RAP1GAP: variants seen among roughly 807,000 people sequenced by gnomAD.
RAP1GAP encodes the protein RAP1 GTPase activating protein, also known as rap1 GTPase-activating protein 1.
A neutral mutation model predicts 87.2 loss-of-function variants in RAP1GAP; 35 were observed. That is an observed-to-expected ratio of 0.40 (90% CI 0.31 to 0.53). The LOEUF is 0.53. Ranked by LOEUF, RAP1GAP falls within the 20% of genes least tolerant of loss-of-function variation. RAP1GAP has a pLI of 0.48. For missense variants in RAP1GAP, 734 were observed against 898.9 expected (o/e 0.82, Z 2.35); for synonymous variants, 375 against 363.9 (o/e 1.03, Z -0.35).
In RAP1GAP at chr1:21,598,505, G is replaced by A. The variant is rs1446769461; in HGVS notation, c.1777-3C>T. On this transcript the variant is annotated splice_polypyrimidine_tract_variant and splice_region_variant and intron_variant, in intron 21 of 24. Transcript: ENST00000374765. ...GTTCCTGAGGATGACACGCTCTCCT[G>A]GGGAGGGGGTGGAAAGAGGGAGGGA... The A allele has an allele frequency of 6.2e-7, 1 of 1,609,130 alleles. No individual in the cohort carries two copies. The highest frequency in any genetic ancestry group is 8.5e-7 in the Non-Finnish European group (1 of 1,175,808).
Position 21,668,139 on chromosome 1 carries a change from A to C in RAP1GAP, c.-149+1115T>G, listed in dbSNP as rs867329636. 6.6e-6 allele frequency among the ~76,000 whole-genome samples: 1 copy of C among 152,114 alleles called. No individual in the cohort carries two copies. The highest frequency in any genetic ancestry group is 6.5e-5 in the Admixed American group (1 of 15,284). Reference sequence around the variant, plus strand: ...GCCCCAACCATAGCGTTTTCCCCCAAACACCCTCAGGAAGGAGGGACCACT... The same window carrying C: ...GCCCCAACCATAGCGTTTTCCCCCACACACCCTCAGGAAGGAGGGACCACT... On this transcript the variant is annotated intron_variant, in intron 1 of 24. Transcript: ENST00000374765. This position sits in a 1 kb window ranked among gnomAD's most constrained non-coding sequence, Gnocchi z 6.2.
chr1:21,625,927 T>A (rs2091837509), intron 3 of RAP1GAP, among the ~76,000 whole-genome samples: 1 of 152,184 alleles, frequency 6.6e-6, no homozygotes, highest in African/African-American at 2.4e-5. Flanking sequence ...CTGTCTGTAC[T>A]TTGCAGCAAT....
chr1:21,637,251 G>C (rs543840324), intron 2 of RAP1GAP, among the ~76,000 whole-genome samples: 1 of 151,308 alleles, frequency 6.6e-6, no homozygotes, highest in African/African-American at 2.4e-5. Flanking sequence ...CTGCCTCCTG[G>C]GCTCCAGCAA....
intron 7 of RAP1GAP, 118 bp from the exon 8 acceptor site, chr1:21,614,207 CG>C: frequency 1.5e-6 from 1 of 653,226 alleles, no homozygotes; most frequent in Non-Finnish European, 2.7e-6. Context: ...GCAGGTGTCA[CG>C]GCTGATAGCA....
At chr1:21,619,665 C>G (rs1284555838) in intron 4 of RAP1GAP, among the ~76,000 whole-genome samples, 1 of 152,104 alleles carries the variant, frequency 6.6e-6, no homozygotes, top group Non-Finnish European at 1.5e-5. Flanking sequence ...CTGTCCCCTC[C>G]TCCAGTTCCA....
intron 5 of RAP1GAP, among the ~76,000 whole-genome samples, chr1:21,618,257 G>A (rs1275946933): frequency 1.3e-5 from 2 of 152,176 alleles, no homozygotes; most frequent in African/African-American, 2.4e-5. Flanking sequence ...TGGATGCAGC[G>A]GTCTGGGCGG....
intron 3 of RAP1GAP, among the ~76,000 whole-genome samples, chr1:21,620,580 C>T (rs947099242): frequency 6.6e-6 from 1 of 152,210 alleles, no homozygotes; most frequent in African/African-American, 2.4e-5. Context: ...CCCTCGCACA[C>T]TCGAGCTACC....
Position 21,598,071 on chromosome 1 carries a change from A to AGGGGGGCCGGGGGG in RAP1GAP, c.1880-8_1880-7insCCCCCCGGCCCCCC. The AGGGGGGCCGGGGGG allele has an allele frequency of 1.3e-6, 1 of 783,336 alleles. No individual in the cohort carries two copies. Among genetic ancestry groups the AGGGGGGCCGGGGGG allele is most frequent in the Admixed American group, 2.5e-5 (1 of 39,928 alleles). The allele number at this position is 783,336 out of a possible 1,614,324, so 48.5% of individuals were successfully genotyped here. On this transcript the variant is annotated splice_region_variant and splice_polypyrimidine_tract_variant and intron_variant, in intron 22 of 24. Transcript: ENST00000374765. ...TGGGGTGATCGAGAGGGGCCTGGGG[A>AGGGGGGCCGGGGGG]GGGGGGCAGGAGGGAGCCACCTCAC...
chr1:21,662,256 A>G (rs1319945550), intron 1 of RAP1GAP, among the ~76,000 whole-genome samples: 2 of 152,188 alleles, frequency 1.3e-5, no homozygotes, highest in Non-Finnish European at 2.9e-5. Flanking sequence ...GCTGGCCCCA[A>G]GGGCTCCGGC....
Position 21,619,055 on chromosome 1 carries a change from T to C in RAP1GAP, c.36A>G (p.Glu12=), listed in dbSNP as rs377079038. The C allele has an allele frequency of 6.8e-5, 109 of 1,602,172 alleles. No individual in the cohort carries two copies. Among genetic ancestry groups the C allele is most frequent in the Non-Finnish European group, 8.1e-5 (95 of 1,173,750 alleles). ...GGGGCGGCGGGAAGGAGCAGCGTTGTTCATCCATCCTGCTTCCCTGTAAGA... is the reference window on the plus strand; with the variant it reads ...GGGGCGGCGGGAAGGAGCAGCGTTGCTCATCCATCCTGCTTCCCTGTAAGA... ...IEKMQGSRMD[E]QRCSFPPPLK... Residue 12 remains glutamate (E), a synonymous_variant, in exon 5 of 25, where the codon GAA becomes GAG. Transcript: ENST00000374765.
At chr1:21,600,612 C>T (rs1321138035) in intron 20 of RAP1GAP, among the ~76,000 whole-genome samples, 3 of 152,148 alleles carry the variant, frequency 2.0e-5, no homozygotes, top group African/African-American at 4.8e-5. Context: ...TTAGGCTGGG[C>T]GCAGTGGCTC....
Position 21,669,327 on chromosome 1 carries a change from A to C in RAP1GAP, c.-222T>G, listed in dbSNP as rs996697335. 1 of 1,093,132 alleles carries C rather than the reference A, an allele frequency of 9.1e-7. No individual in the cohort carries two copies. Among genetic ancestry groups the C allele is most frequent in the East Asian group, 1.1e-4 (1 of 9,274 alleles). The allele number at this position is 1,093,132 out of a possible 1,614,324, so 67.7% of individuals were successfully genotyped here. A position where few individuals can be genotyped will look rare whatever the true frequency, so the allele number is the denominator to read the frequency against. On this transcript the variant is annotated 5_prime_UTR_variant, in exon 1 of 25. Coordinates refer to ENST00000374765, the MANE Select transcript of RAP1GAP (RefSeq NM_002885.4). This position sits in a 1 kb window ranked among gnomAD's most constrained non-coding sequence, Gnocchi z 5.6. ...CGGCCGCCGCTGCAGCTCTGCTCAG[A>C]TGCGGCCGGCGCTCGCCGCCGCCGC...
At chr1:21,620,981 A>C (rs1208910869) in intron 3 of RAP1GAP, among the ~76,000 whole-genome samples, 1 of 152,166 alleles carries the variant, frequency 6.6e-6, no homozygotes, top group African/African-American at 2.4e-5. Context: ...AACACACACA[A>C]ACACATATGA....
intron 1 of RAP1GAP, among the ~76,000 whole-genome samples, chr1:21,657,420 C>G (rs1313487282): frequency 6.6e-6 from 1 of 152,254 alleles, no homozygotes; most frequent in Non-Finnish European, 1.5e-5. Flanking sequence ...TATACACAGA[C>G]AGATGTGTAC....
At chr1:21,600,207 C>T (rs1036586330) in intron 20 of RAP1GAP, among the ~76,000 whole-genome samples, 2 of 152,138 alleles carry the variant, frequency 1.3e-5, no homozygotes, top group Non-Finnish European at 2.9e-5. Flanking sequence ...TCTCAAATCC[C>T]GAAAAGCAAA....
In RAP1GAP at chr1:21,603,730, CG is replaced by C; in HGVS notation, c.1429-818del. Reference sequence around the variant, plus strand: ...ATCCCGCACGCCCTGGGGCCTGTCCCGGGGGCAGAGGGGCAACGTCCCCAAT... The same window carrying C: ...ATCCCGCACGCCCTGGGGCCTGTCCCGGGGCAGAGGGGCAACGTCCCCAAT... On this transcript the variant is annotated intron_variant, in intron 18 of 24. Transcript: ENST00000374765. This position sits in a 1 kb window ranked among gnomAD's most constrained non-coding sequence, Gnocchi z 6.0. The C allele has an allele frequency of 7.7e-7, 1 of 1,291,582 alleles. No homozygotes were observed. The highest frequency in any genetic ancestry group is 1.1e-6 in the Non-Finnish European group (1 of 891,518). The allele number at this position is 1,291,582 out of a possible 1,614,324, so 80.0% of individuals were successfully genotyped here. A position where few individuals can be genotyped will look rare whatever the true frequency, so the allele number is the denominator to read the frequency against.
Position 21,611,306 on chromosome 1 carries a change from C to T in RAP1GAP, c.843+146G>A, listed in dbSNP as rs372535395. The T allele has an allele frequency of 9.1e-6, 11 of 1,208,318 alleles. No individual in the cohort carries two copies. In the African/African-American group the frequency reaches 1.7e-4, roughly 18 times the overall value. 74.8% of individuals were successfully genotyped at this position (1,208,318 alleles called of 1,614,324 possible). On this transcript the variant is annotated intron_variant, in intron 13 of 24. Transcript: ENST00000374765. The stretch of plus-strand genomic sequence containing the variant: ...CCAAGGCTTTCTGTCTCCCCTGACC[C>T]AACGAGACCCCACAAGTGGGGGCGC...
rs548195786 is a variant in RAP1GAP at position 21,638,080 on chromosome 1, G to T, written c.-113+11681C>A. ...GTGGGAAGACTGATTGAGCCTGAGA[G>T]GTTGAGGCTTCAGTGGGCCAACATT... On this transcript the variant is annotated intron_variant, in intron 2 of 24. Coordinates refer to ENST00000374765, the MANE Select transcript of RAP1GAP (RefSeq NM_002885.4). 3.4e-4 allele frequency among the ~76,000 whole-genome samples: 52 copies of T among 151,212 alleles called. 1 individual carries two copies. The South Asian group carries it at 0.01, about 29-fold the overall frequency.
At chr1:21,659,935 G>A (rs1031597777) in intron 1 of RAP1GAP, among the ~76,000 whole-genome samples, 5 of 152,108 alleles carry the variant, frequency 3.3e-5, no homozygotes, top group African/African-American at 1.2e-4. Flanking sequence ...ATGCAGATAT[G>A]GCTACAAAAC....
Sources: gnomAD v4.1 joint callset for allele counts (sites outside exome capture counted in the v4.1 genomes callset) on GRCh38, gnomAD v4.1.1 for gene constraint, Gnocchi (gnomAD v3.1) non-coding constraint, MANE v1.5 for transcripts, NCBI Gene and HGNC (gene_info 2026-07-23, HGNC 2026-07-21) for gene names.